BAHCC1: variants seen among roughly 807,000 people sequenced by gnomAD.
The protein encoded by BAHCC1 is BAH and coiled-coil domain-containing protein 1.
BAHCC1 carries 43 observed loss-of-function variants against 88.2 expected under a neutral mutation model. That is an observed-to-expected ratio of 0.49 (90% CI 0.38 to 0.63). The LOEUF (loss-of-function observed/expected upper bound fraction) is 0.63, where lower values mean the gene tolerates loss of function less well. Ranked by LOEUF, BAHCC1 falls within the 20% of genes least tolerant of loss-of-function variation. BAHCC1 has a pLI of 0.00. For missense variants in BAHCC1, 3,023 were observed against 1,654.8 expected, an observed-to-expected ratio of 1.83 and a Z score of -14.34; for synonymous variants, 1,510 against 745.5, an observed-to-expected ratio of 2.03 and a Z score of -16.71.
At position 81,444,494 on chromosome 17, in the gene BAHCC1, C is replaced by T. The variant is rs1555653712; in HGVS notation, c.2438C>T (p.Pro813Leu). 5.7e-6 allele frequency: 4 copies of T among 705,564 alleles called. No individual in the cohort carries two copies. In the Admixed American group the frequency reaches 6.0e-5, roughly 11 times the overall value. The allele number at this position is 705,564 out of a possible 1,614,324, so 43.7% of individuals were successfully genotyped here. A position where few individuals can be genotyped will look rare whatever the true frequency, so the allele number is the denominator to read the frequency against. Residue 813 changes from proline to leucine, a missense_variant, in exon 7 of 28, where the codon CCC becomes CTC. Physicochemically the swap from Pro to Leu is moderately conservative, Grantham distance 98. Transcript: ENST00000675386. ...GGCCAGCTGGGCGGGGACCCAGCCC[C>T]CCACACCCACCCCCATCCCCCCTGG... The part of the protein sequence containing the change: ...QSGQLGGDPA[P>L]HTHPHPPWLP...
At chr17:81,446,696 G>A (rs1555654444) in intron 10 of BAHCC1, 2 of 443,882 alleles carry the variant, frequency 4.5e-6, no homozygotes, top group Non-Finnish European at 9.1e-6. Flanking sequence ...CCACAGGCAT[G>A]CACCACCACG....
chr17:81,458,617 G>A lies in BAHCC1; in HGVS notation c.5344-4G>A, dbSNP rs782743870. ...CAGCCCCTTCTCTGCCTGCCCACGC[G>A]CAGCGGAAGAACGGGGCCCTGTCCA... is the stretch of plus-strand genomic sequence containing the variant. On this transcript the variant is annotated splice_region_variant and splice_polypyrimidine_tract_variant and intron_variant, in intron 18 of 27. Transcript: ENST00000675386. 17 of 710,536 alleles carry A rather than the reference G, an allele frequency of 2.4e-5. No homozygotes were observed. Among genetic ancestry groups the A allele is most frequent in the Non-Finnish European group, 2.9e-5 (11 of 381,958 alleles). 44.0% of individuals were successfully genotyped at this position (710,536 alleles called of 1,614,324 possible).
chr17:81,401,998 G>T (rs1281206033), intron 2 of BAHCC1: 1 of 152,372 alleles, frequency 6.6e-6, no homozygotes. Flanking sequence ...GGTTCTTGGC[G>T]TGTAGGCCCC....
intron 14 of BAHCC1, among the ~76,000 whole-genome samples, chr17:81,454,951 G>A (rs1412883714): frequency 1.3e-5 from 2 of 152,236 alleles, no homozygotes; most frequent in African/African-American, 4.8e-5. Flanking sequence ...CTATCAGGCT[G>A]GAAGGATGGG....
At chr17:81,460,733 G>A (rs782542332) in intron 25 of BAHCC1, 27 bp downstream of exon 25, 24 of 776,094 alleles carry the variant, frequency 3.1e-5, no homozygotes, top group Middle Eastern at 4.5e-4. Context: ...CCCAGAATCC[G>A]GATCGGGGAA....
Position 81,463,938 on chromosome 17 carries a change from C to T in BAHCC1, c.*121C>T, listed in dbSNP as rs879963645. The T allele has an allele frequency of 1.1e-5, 7 of 646,610 alleles. No homozygotes were observed. The highest frequency in any genetic ancestry group is 3.6e-5 in the African/African-American group (2 of 55,584). 40.1% of individuals were successfully genotyped at this position (646,610 alleles called of 1,614,324 possible). A position where few individuals can be genotyped will look rare whatever the true frequency, so the allele number is the denominator to read the frequency against. On this transcript the variant is annotated 3_prime_UTR_variant, in exon 28 of 28. Coordinates refer to ENST00000675386, the MANE Select transcript of BAHCC1 (RefSeq NM_001377448.1). ...CCAAGGGCGCATCTGAGCAAATATG[C>T]AAAAGCCCACAGGGCAAGACCCAGG...
At position 81,459,551 on chromosome 17, in the gene BAHCC1, G is replaced by GC; in HGVS notation, c.5853dup (p.Ala1952ArgfsTer22). On this transcript the variant is annotated frameshift_variant, in exon 23 of 28. Coordinates refer to ENST00000675386, the MANE Select transcript of BAHCC1 (RefSeq NM_001377448.1). ...TACCTCCCGCCCGGCACGCGGGTCT[G>GC]CGCCTACTGGAGTCAGAAGTCTCGA... 1 of 779,708 alleles carries GC rather than the reference G, an allele frequency of 1.3e-6. No individual in the cohort carries two copies. Among genetic ancestry groups the GC allele is most frequent in the Non-Finnish European group, 2.4e-6 (1 of 417,914 alleles). The allele number at this position is 779,708 out of a possible 1,614,324, so 48.3% of individuals were successfully genotyped here.
intron 2 of BAHCC1, among the ~76,000 whole-genome samples, chr17:81,406,555 G>C (rs1184535720): frequency 6.6e-6 from 1 of 152,236 alleles, no homozygotes. Flanking sequence ...GGCCTGGAAG[G>C]GCCTCGGGCG....
chr17:81,413,289 C>G (rs1299315311), intron 2 of BAHCC1: 1 of 224,118 alleles, frequency 4.5e-6, no homozygotes, highest in Non-Finnish European at 9.3e-6. Flanking sequence ...GCCCCATGCC[C>G]TCGGCCTCCT....
At chr17:81,439,342 C>T (rs1162111519) in intron 4 of BAHCC1, among the ~76,000 whole-genome samples, 1 of 152,124 alleles carries the variant, frequency 6.6e-6, no homozygotes, top group African/African-American at 2.4e-5. Context: ...TGTGGGGCCC[C>T]ACAGGGGCCG....
chr17:81,428,698 G>T (rs1225376257), intron 3 of BAHCC1, among the ~76,000 whole-genome samples: 1 of 152,226 alleles, frequency 6.6e-6, no homozygotes, highest in East Asian at 1.9e-4. Context: ...TGGGTGTGTG[G>T]TGGCCCACAG....
chr17:81,439,158 G>A (rs775518481), intron 4 of BAHCC1, among the ~76,000 whole-genome samples: 1 of 152,340 alleles, frequency 6.6e-6, no homozygotes, highest in Non-Finnish European at 1.5e-5. Context: ...TCAGGGTACC[G>A]GAGAGGGCCT....
At chr17:81,450,191 G>C (rs2064607700) in intron 11 of BAHCC1, among the ~76,000 whole-genome samples, 1 of 152,144 alleles carries the variant, frequency 6.6e-6, no homozygotes, top group Admixed American at 6.5e-5. Context: ...CACCCCACAG[G>C]GGTTCCGCAG....
At chr17:81,453,976 G>A (rs72853275) in intron 14 of BAHCC1, among the ~76,000 whole-genome samples, 6,566 of 152,348 alleles carry the variant, frequency 0.043, 169 homozygotes, top group Middle Eastern at 0.11. Context: ...CTGTGAGCAG[G>A]AAGGTGGAAA....
Position 81,452,847 on chromosome 17 carries a change from G to A in BAHCC1, c.4441G>A (p.Val1481Ile), listed in dbSNP as rs573656238. The A allele has an allele frequency of 2.3e-5, 17 of 744,768 alleles. No homozygotes were observed. The South Asian group carries it at 2.3e-4, about 10-fold the overall frequency. 46.1% of individuals were successfully genotyped at this position (744,768 alleles called of 1,614,324 possible). Residue 1481 changes from valine (V) to isoleucine (I), a missense_variant, in exon 14 of 28, where the codon GTC becomes ATC. Val to Ile is a conservative substitution (Grantham distance 29). Coordinates refer to ENST00000675386, the MANE Select transcript of BAHCC1 (RefSeq NM_001377448.1). ...GPLPRSDGKK[V>I]KAVRTSLGLL... ...GCTCCCCAGGAGCGATGGCAAGAAAGTCAAGTGAGTCCTGGGCACTGGCAT... is the reference window on the plus strand; with the variant it reads ...GCTCCCCAGGAGCGATGGCAAGAAAATCAAGTGAGTCCTGGGCACTGGCAT...
At chr17:81,455,455 G>C in intron 15 of BAHCC1, 65 bp downstream of exon 15, 2 of 693,398 alleles carry the variant, frequency 2.9e-6, no homozygotes. Context: ...CTTCCTGGCA[G>C]GTAGCAGACT....
intron 2 of BAHCC1, among the ~76,000 whole-genome samples, chr17:81,419,464 C>A (rs2064085885): frequency 1.3e-5 from 2 of 152,376 alleles, no homozygotes; most frequent in South Asian, 4.1e-4. Flanking sequence ...TCCTGCACAG[C>A]TCCCTTGGGA....
chr17:81,442,587 C>A lies in BAHCC1; in HGVS notation c.1238C>A (p.Ala413Asp), dbSNP rs781827248. The part of the protein sequence containing the change: ...DKGRPFQAAE[A>D]CAVAGEGKDR... ...GGCCGCCCCTTCCAGGCCGCCGAGG[C>A]CTGTGCCGTGGCAGGGGAGGGCAAG... Residue 413 changes from alanine (A) to aspartate (D), a missense_variant, in exon 5 of 28, where the codon GCC becomes GAC. By Grantham distance (126) the Ala-to-Asp change is moderately radical. Transcript: ENST00000675386. 2 of 773,470 alleles carry A rather than the reference C, an allele frequency of 2.6e-6. No homozygotes were observed. Among genetic ancestry groups the A allele is most frequent in the African/African-American group, 3.4e-5 (2 of 59,052 alleles). 47.9% of individuals were successfully genotyped at this position (773,470 alleles called of 1,614,324 possible).
In BAHCC1 at chr17:81,426,894, C is replaced by A. The variant is rs899934088; in HGVS notation, c.273C>A (p.Ser91Arg). The change falls in exon 3 of 28, where the codon AGC becomes AGA. Residue 91 changes from serine to arginine, a missense_variant. Coordinates refer to ENST00000675386, the MANE Select transcript of BAHCC1 (RefSeq NM_001377448.1). ...GCTCGGCAGCCTCCACGCACCCCAG[C>A]GGCCCCAGCTCCTCCCCCCCTGAGC... is the stretch of plus-strand genomic sequence containing the variant. ...SLGSAASTHP[S>R]GPSSSPPEQA... The A allele has an allele frequency of 7.5e-6, 3 of 399,018 alleles. No homozygotes were observed. Among genetic ancestry groups the A allele is most frequent in the Non-Finnish European group, 1.3e-5 (3 of 226,426 alleles). 24.7% of individuals were successfully genotyped at this position (399,018 alleles called of 1,614,324 possible).
Sources: allele counts gnomAD v4.1 joint callset (sites outside exome capture counted in the v4.1 genomes callset), GRCh38; gene constraint gnomAD v4.1.1; transcripts MANE v1.5; gene names NCBI Gene and HGNC (gene_info 2026-07-23, HGNC 2026-07-21).